The following CGN variants were observed in gnomAD, a reference collection of about 807,000 sequenced individuals.
The protein encoded by CGN is cingulin.
CGN carries 121 observed loss-of-function variants against 157.1 expected under a neutral mutation model. That is an observed-to-expected ratio of 0.77 (90% CI 0.66 to 0.90). CGN has a LOEUF of 0.90. CGN is among the 40% of genes least tolerant of loss of function. The probability of loss-of-function intolerance (pLI) is 0.00; values close to 1 mark genes in which losing one functional copy is unlikely to be tolerated. For synonymous variants in CGN, 535 were observed against 607.5 expected (o/e 0.88, Z 1.76); for missense variants, 1,424 against 1,520.9 (o/e 0.94, Z 1.06).
At position 151,518,996 on chromosome 1, in the gene CGN, A is replaced by G; in HGVS notation, c.477A>G (p.Leu159=). ...PSNRSNSMLE[L]APKVASPGST... ...ACAGAAGCAACAGCATGCTGGAGCT[A>G]GCCCCGAAAGTGGCTTCCCCAGGTA... is the stretch of plus-strand genomic sequence containing the variant. Residue 159 remains leucine (L), a synonymous_variant, in exon 2 of 21, where the codon CTA becomes CTG. Coordinates refer to ENST00000271636, the MANE Select transcript of CGN (RefSeq NM_020770.3). The G allele has an allele frequency of 1.2e-6, 2 of 1,614,214 alleles. No individual in the cohort carries two copies. The highest frequency in any genetic ancestry group is 1.7e-6 in the Non-Finnish European group (2 of 1,180,036).
chr1:151,526,384 C>G (rs561382848), intron 9 of CGN, among the ~76,000 whole-genome samples: 14 of 152,014 alleles, frequency 9.2e-5, no homozygotes, highest in Non-Finnish European at 1.6e-4. Flanking sequence ...ACCATATTGG[C>G]CAGGCTGGTC....
In CGN at chr1:151,524,324, A is replaced by G. The variant is rs375697129; in HGVS notation, c.1367A>G (p.Gln456Arg). The G allele has an allele frequency of 6.2e-7, 1 of 1,614,008 alleles. No individual in the cohort carries two copies. The highest frequency in any genetic ancestry group is 8.5e-7 in the Non-Finnish European group (1 of 1,179,992). The change falls in exon 7 of 21, where the codon CAG becomes CGG. Residue 456 changes from glutamine to arginine, a missense_variant. By Grantham distance (43) the Gln-to-Arg change is conservative. Coordinates refer to ENST00000271636, the MANE Select transcript of CGN (RefSeq NM_020770.3). This position sits in a 1 kb window ranked among gnomAD's most constrained non-coding sequence, Gnocchi z 4.4. Reference protein sequence around the residue: ...MELQNKLKHVQGPEPAKEVLL... With the variant: ...MELQNKLKHVRGPEPAKEVLL... The stretch of plus-strand genomic sequence containing the variant: ...CTGCAGAACAAGCTGAAACATGTCC[A>G]GGGTCCTGAGCCTGCTAAGGAGGTG...
intron 1 of CGN, chr1:151,515,359 T>A (rs1408245475): frequency 6.6e-6 from 1 of 152,212 alleles, no homozygotes; most frequent in Non-Finnish European, 1.5e-5. Context: ...TCATTGTATA[T>A]GCCCATATAA....
intron 10 of CGN, among the ~76,000 whole-genome samples, chr1:151,528,129 T>C (rs1664737819): frequency 6.6e-6 from 1 of 150,592 alleles, no homozygotes; most frequent in Non-Finnish European, 1.5e-5. Flanking sequence ...CTAATTTTTT[T>C]TGTATTTTTA....
rs1557990083 is a variant in CGN, at chr1:151,527,049, A to C, written c.1838A>C (p.Glu613Ala). 1.2e-6 allele frequency: 2 copies of C among 1,614,044 alleles called. No homozygotes were observed. Among genetic ancestry groups the C allele is most frequent in the Non-Finnish European group, 1.7e-6 (2 of 1,180,044 alleles). The change falls in exon 10 of 21, where the codon GAA (glutamate) becomes GCA (alanine). Residue 613 changes from glutamate to alanine, a missense_variant. Glu to Ala is a moderately radical substitution (Grantham distance 107). Coordinates refer to ENST00000271636, the MANE Select transcript of CGN (RefSeq NM_020770.3). ...LGEKIEVLQR[E>A]LEQARASAGD... ...GAGAAGATAGAGGTCTTGCAGAGGG[A>C]ATTAGAGCAGGCCCGAGCTAGTGCT...
intron 6 of CGN, among the ~76,000 whole-genome samples, chr1:151,523,954 T>C (rs761379199): frequency 3.3e-5 from 5 of 152,108 alleles, no homozygotes; most frequent in Non-Finnish European, 5.9e-5. Flanking sequence ...GGGCTCGCTC[T>C]CCAGAAGCTT....
In CGN at chr1:151,530,612, G is replaced by T; in HGVS notation, c.2437G>T (p.Gly813Trp). 6.2e-7 allele frequency: 1 copy of T among 1,611,034 alleles called. No homozygotes were observed. The highest frequency in any genetic ancestry group is 1.3e-5 in the African/African-American group (1 of 75,000). ...EEAQRGLARLGQEQQTLNRAL... is the reference protein window; with the variant it reads ...EEAQRGLARLWQEQQTLNRAL... ...GGCTCAGCGGGGGCTGGCCCGCCTG[G>T]GGCAGGAGCAGCAGACACTGAACCG... is the stretch of plus-strand genomic sequence containing the variant. The change falls in exon 13 of 21, where the codon GGG becomes TGG. Residue 813 changes from glycine (G) to tryptophan (W), a missense_variant. Gly to Trp is a radical substitution (Grantham distance 184). This residue lies in a region of CGN where 1,187 missense variants were observed against 1,217.6 expected (regional missense o/e 0.97). Transcript: ENST00000271636.
chr1:151,526,019 C>T (rs1375615005), intron 9 of CGN, among the ~76,000 whole-genome samples: 1 of 151,422 alleles, frequency 6.6e-6, no homozygotes, highest in African/African-American at 2.4e-5. Flanking sequence ...ATTACAGGCG[C>T]ATGCCACTAC....
At chr1:151,517,441 G>A (rs1012726724) in intron 1 of CGN, among the ~76,000 whole-genome samples, 7 of 152,034 alleles carry the variant, frequency 4.6e-5, no homozygotes, top group Admixed American at 2.6e-4. Context: ...GTGAGATGGA[G>A]GTATCTGCTC....
rs368026672 is a variant in CGN, at chr1:151,537,489, A to AT, written c.*144dup. ...ACAGGGAGGGGTCAGAGTGATGGTG[A>AT]TAAAAAAAAAAAATCATCAGCAATA... is the stretch of plus-strand genomic sequence containing the variant. On this transcript the variant is annotated 3_prime_UTR_variant, in exon 21 of 21. Coordinates refer to ENST00000271636, the MANE Select transcript of CGN (RefSeq NM_020770.3). The AT allele has an allele frequency of 1.0e-3, 475 of 472,228 alleles. 2 individuals carry two copies. The East Asian group carries it at 0.014, about 14-fold the overall frequency. The allele number at this position is 472,228 out of a possible 1,614,324, so 29.3% of individuals were successfully genotyped here.
intron 20 of CGN, 45 bp from the exon 21 acceptor site, chr1:151,537,160 T>C (rs984660022): frequency 6.3e-7 from 1 of 1,580,116 alleles, no homozygotes; most frequent in Non-Finnish European, 8.6e-7. Context: ...TGTCTTAATA[T>C]TTCTATTTTC....
Position 151,524,891 on chromosome 1 carries a change from G to T in CGN, c.1614+5G>T. On this transcript the variant is annotated splice_donor_5th_base_variant and intron_variant, in intron 8 of 20. Transcript: ENST00000271636. This position sits in a 1 kb window ranked among gnomAD's most constrained non-coding sequence, Gnocchi z 4.4. ...AGCATGCAAGATGCAACCCAGGCATGTGACAAGAGCAGGGTCTGAGAGAGG... is the reference window on the plus strand; with the variant it reads ...AGCATGCAAGATGCAACCCAGGCATTTGACAAGAGCAGGGTCTGAGAGAGG... 6.2e-7 allele frequency: 1 copy of T among 1,609,550 alleles called. No individual in the cohort carries two copies.
In CGN at chr1:151,529,959, C is replaced by A. The variant is rs571663770; in HGVS notation, c.2157C>A (p.Ala719=). 25 of 1,614,118 alleles carry A rather than the reference C, an allele frequency of 1.5e-5. No individual in the cohort carries two copies. In the African/African-American group the frequency reaches 2.8e-4, roughly 18 times the overall value. ...AEATVLGQRR[A]AVETTLRETQ... ...CAACAGTGCTGGGGCAGCGGCGGGC[C>A]GCAGTGGAGACGACGCTTCGGGAGA... The change falls in exon 12 of 21, where the codon GCC becomes GCA. Residue 719 remains alanine, a synonymous_variant. Coordinates refer to ENST00000271636, the MANE Select transcript of CGN (RefSeq NM_020770.3).
In CGN at chr1:151,534,057, G is replaced by A. The variant is rs758395969; in HGVS notation, c.2825G>A (p.Arg942Gln). Residue 942 changes from arginine (R) to glutamine (Q), a missense_variant, in exon 15 of 21, where the codon CGA becomes CAA. Transcript: ENST00000271636. ...CTGGACAAAGAGCTACTGGCCCAGC[G>A]ACTGCAGGGGCTGGAGCAAGAGGCA... is the stretch of plus-strand genomic sequence containing the variant. ...ARLDKELLAQ[R>Q]LQGLEQEAEN... is the part of the protein sequence containing the mutation. The A allele has an allele frequency of 2.8e-5, 45 of 1,613,578 alleles. No homozygotes were observed. The South Asian group carries it at 4.1e-4, about 15-fold the overall frequency.
At position 151,520,227 on chromosome 1, in the gene CGN, A is replaced by G. The variant is rs1664509799; in HGVS notation, c.935A>G (p.Asp312Gly). ...QQEAAPPGSV[D>G]HMKATIYGIL... ...GAGGCAGCCCCACCAGGCAGTGTGG[A>G]CCATATGAAGGCCACCATCTATGGC... The change falls in exon 3 of 21, where the codon GAC becomes GGC. Residue 312 changes from aspartate (D) to glycine (G), a missense_variant. Around this residue, in one of 3 missense-constraint regions of CGN, gnomAD observed 1,187 missense variants for 1,217.6 expected, o/e 0.97. Transcript: ENST00000271636. 6.2e-7 allele frequency: 1 copy of G among 1,613,360 alleles called. No homozygotes were observed.
At position 151,536,777 on chromosome 1, in the gene CGN, A is replaced by G. The variant is rs919845649; in HGVS notation, c.3354A>G (p.Glu1118=). The G allele has an allele frequency of 1.9e-6, 3 of 1,614,132 alleles. No homozygotes were observed. Among genetic ancestry groups the G allele is most frequent in the African/African-American group, 2.7e-5 (2 of 75,028 alleles). Residue 1118 remains glutamate, a synonymous_variant, in exon 20 of 21, where the codon GAA becomes GAG. Transcript: ENST00000271636. ...KALKRQVDEA[E]EEIERLDGLR... ...TGAAGCGTCAGGTGGATGAAGCAGA[A>G]GAGGAAATTGAGCGACTGGACGGCC...
At position 151,528,195 on chromosome 1, in the gene CGN, A is replaced by G. The variant is rs188201301; in HGVS notation, c.1896+1088A>G. ...CGTGAAACATGGTTTCACCGTGTTA[A>G]CCAGGTTGGTCTTGATCTCCTGACC... On this transcript the variant is annotated intron_variant, in intron 10 of 20. Transcript: ENST00000271636. Among the ~76,000 whole-genome samples the G allele has an allele frequency of 1.8e-3, 272 of 151,618 alleles. 1 individual carries two copies. Among genetic ancestry groups the G allele is most frequent in the African/African-American group, 6.2e-3 (258 of 41,324 alleles).
intron 13 of CGN, among the ~76,000 whole-genome samples, chr1:151,531,697 A>C (rs1476695377): frequency 2.6e-5 from 4 of 152,236 alleles, no homozygotes; most frequent in Admixed American, 6.5e-5. Flanking sequence ...GGAGAAAAGA[A>C]AGAAAAAAGA....
intron 14 of CGN, among the ~76,000 whole-genome samples, chr1:151,532,867 C>A (rs1026249950): frequency 2.6e-5 from 4 of 152,076 alleles, no homozygotes; most frequent in African/African-American, 9.7e-5. Context: ...GATCCGCCCT[C>A]CTCGGCCTCC....
Sources: allele counts gnomAD v4.1 joint callset (sites outside exome capture counted in the v4.1 genomes callset), GRCh38; gene constraint gnomAD v4.1.1; regional missense constraint gnomAD v4.1.1; non-coding constraint Gnocchi (gnomAD v3.1); transcripts MANE v1.5; gene names NCBI Gene and HGNC (gene_info 2026-07-23, HGNC 2026-07-21).